The following SIPA1L1 variants were observed in gnomAD, a reference collection of about 807,000 sequenced individuals.
The protein encoded by SIPA1L1 is signal induced proliferation associated 1 like 1.
Under a neutral mutation model 162.7 loss-of-function variants are expected in SIPA1L1, and 26 were observed. The observed-to-expected ratio is 0.16, with a 90% CI of 0.12 to 0.22. The LOEUF is 0.22. Among genes scored for constraint, SIPA1L1 ranks in the 10% least tolerant of loss-of-function variants. SIPA1L1 has a pLI of 1.00. For synonymous variants in SIPA1L1, 829 were observed against 837.4 expected (o/e 0.99, Z 0.17); for missense variants, 1,874 against 2,241.0 (o/e 0.84, Z 3.31).
intron 14 of SIPA1L1, among the ~76,000 whole-genome samples, chr14:71,699,974 G>C (rs149595388): frequency 3.9e-4 from 59 of 152,316 alleles, no homozygotes; most frequent in African/African-American, 1.3e-3. Context: ...GAACAATTAA[G>C]TTCTTCAAAA....
At chr14:71,716,894 G>A (rs565412334) in intron 17 of SIPA1L1, among the ~76,000 whole-genome samples, 1 of 152,224 alleles carries the variant, frequency 6.6e-6, no homozygotes, top group South Asian at 2.1e-4. Context: ...CCAGATCCTC[G>A]GTGACCTCAC....
rs889749699 is a variant in SIPA1L1 at position 71,358,597 on chromosome 14, T to C, written c.-465+37416T>C. 2.0e-5 allele frequency among the ~76,000 whole-genome samples: 3 copies of C among 152,218 alleles called. No individual in the cohort carries two copies. In the East Asian group the frequency reaches 5.8e-4, roughly 29 times the overall value. On this transcript the variant is annotated intron_variant, in intron 2 of 23. Transcript: ENST00000381232. Reference sequence around the variant, plus strand: ...TGCCCTCCATTCATTCCTGAATCCCTTTTTCTTAACAGCCTGTCCTTTTTC... The same window carrying C: ...TGCCCTCCATTCATTCCTGAATCCCCTTTTCTTAACAGCCTGTCCTTTTTC...
chr14:71,460,990 C>T (rs188784872), intron 2 of SIPA1L1, among the ~76,000 whole-genome samples: 44 of 152,280 alleles, frequency 2.9e-4, no homozygotes, highest in African/African-American at 8.4e-4. Context: ...AGCCCACTGT[C>T]GCACTTTGTT....
intron 2 of SIPA1L1, among the ~76,000 whole-genome samples, chr14:71,401,813 C>T (rs1397772386): frequency 6.6e-6 from 1 of 151,998 alleles, no homozygotes; most frequent in African/African-American, 2.4e-5. Context: ...GTAATCTTAT[C>T]ACTCATAAAT....
intron 4 of SIPA1L1, among the ~76,000 whole-genome samples, chr14:71,542,651 CCCCTCCTCCTCCT>C (rs1375559493): frequency 2.9e-5 from 3 of 102,026 alleles, no homozygotes; most frequent in African/African-American, 1.1e-4. Context: ...CTTCTTTCTT[CCCCTCCTCCTCCT>C]CCCTCCTCCT....
chr14:71,691,183 CCCA>C (rs1286043131), intron 13 of SIPA1L1, among the ~76,000 whole-genome samples: 2 of 152,222 alleles, frequency 1.3e-5, no homozygotes. Flanking sequence ...TTACCAGCCT[CCCA>C]CTGGAAGGAT....
chr14:71,698,232 T>C (rs956958234), intron 13 of SIPA1L1, among the ~76,000 whole-genome samples: 10 of 152,178 alleles, frequency 6.6e-5, no homozygotes, highest in African/African-American at 2.4e-4. Context: ...TGTTGCCTAC[T>C]AGAGTAGAGG....
intron 2 of SIPA1L1, among the ~76,000 whole-genome samples, chr14:71,480,525 G>A (rs763662951): frequency 2.6e-5 from 4 of 150,944 alleles, no homozygotes; most frequent in East Asian, 3.9e-4. Flanking sequence ...ATTTTGGGAG[G>A]CCTAGTTGGG....
intron 2 of SIPA1L1, among the ~76,000 whole-genome samples, chr14:71,509,651 G>A (rs1360722695): frequency 6.6e-6 from 1 of 151,810 alleles, no homozygotes; most frequent in East Asian, 1.9e-4. Context: ...GGCTGAGGCA[G>A]GAGAATTGCT....
At chr14:71,457,471 G>A (rs1305462612) in intron 2 of SIPA1L1, among the ~76,000 whole-genome samples, 1 of 151,148 alleles carries the variant, frequency 6.6e-6, no homozygotes, top group Admixed American at 6.6e-5. Context: ...GCTAATTTTT[G>A]TATTTTCAGT....
intron 2 of SIPA1L1, among the ~76,000 whole-genome samples, chr14:71,340,935 T>G (rs2035590003): frequency 6.6e-6 from 1 of 152,182 alleles, no homozygotes; most frequent in African/African-American, 2.4e-5. Flanking sequence ...CGAGACTCCG[T>G]CTCAAAAAAA....
Position 71,672,615 on chromosome 14 carries a change from C to T in SIPA1L1, c.3097C>T (p.Pro1033Ser). The T allele has an allele frequency of 6.2e-7, 1 of 1,613,208 alleles. No homozygotes were observed. Among genetic ancestry groups the T allele is most frequent in the South Asian group, 1.1e-5 (1 of 91,050 alleles). ...CATTCCCCCGCATGATGACTGCACCCCGCGGAGGTAGGTCTGAGGAGACAG... is the reference window on the plus strand; with the variant it reads ...CATTCCCCCGCATGATGACTGCACCTCGCGGAGGTAGGTCTGAGGAGACAG... ...VIIPPHDDCTPRRSCSETYRM... is the reference protein window; with the variant it reads ...VIIPPHDDCTSRRSCSETYRM... Residue 1033 changes from proline to serine, a missense_variant, in exon 12 of 24, where the codon CCG (proline) becomes TCG (serine). Pro to Ser is a moderately conservative substitution (Grantham distance 74). Coordinates refer to ENST00000381232, the MANE Select transcript of SIPA1L1 (RefSeq NM_001386936.1).
rs992678289 is a variant in SIPA1L1 at position 71,738,998 on chromosome 14, T to G, written c.5209-20T>G. On this transcript the variant is annotated intron_variant, in intron 23 of 23. Transcript: ENST00000381232. ...TGGGGCCAACACCTCTTAGCTTTTC[T>G]ACTTCACTCTGCCTCCCAGGAAAAA... 2 of 1,610,444 alleles carry G rather than the reference T, an allele frequency of 1.2e-6. No individual in the cohort carries two copies. Among genetic ancestry groups the G allele is most frequent in the Admixed American group, 3.3e-5 (2 of 59,708 alleles).
chr14:71,509,526 T>A (rs1043012207), intron 2 of SIPA1L1, among the ~76,000 whole-genome samples: 1 of 152,144 alleles, frequency 6.6e-6, no homozygotes, highest in Admixed American at 6.5e-5. Flanking sequence ...GTGGATTGCT[T>A]GAGGTCAGGA....
intron 4 of SIPA1L1, among the ~76,000 whole-genome samples, chr14:71,556,749 C>G (rs2056387861): frequency 6.6e-6 from 1 of 152,234 alleles, no homozygotes; most frequent in African/African-American, 2.4e-5. Context: ...AAACCTGGTC[C>G]TTTGGGTTTT....
intron 2 of SIPA1L1, among the ~76,000 whole-genome samples, chr14:71,482,400 C>A (rs986330137): frequency 6.6e-6 from 1 of 152,184 alleles, no homozygotes; most frequent in East Asian, 1.9e-4. Flanking sequence ...CTGGGTTTAG[C>A]GATTACCCAA....
At chr14:71,477,118 G>A (rs2047932209) in intron 2 of SIPA1L1, among the ~76,000 whole-genome samples, 1 of 152,076 alleles carries the variant, frequency 6.6e-6, no homozygotes, top group Non-Finnish European at 1.5e-5. Flanking sequence ...CAGGTGTGGT[G>A]GTGCAATCTC....
At chr14:71,501,457 C>G (rs531683990) in intron 2 of SIPA1L1, among the ~76,000 whole-genome samples, 49 of 152,260 alleles carry the variant, frequency 3.2e-4, no homozygotes, top group African/African-American at 1.2e-3. Context: ...AGAAAGTGTA[C>G]ATATTCTCTG....
chr14:71,450,366 A>G (rs528488878), intron 2 of SIPA1L1, among the ~76,000 whole-genome samples: 300 of 152,304 alleles, frequency 2.0e-3, no homozygotes, highest in Non-Finnish European at 3.2e-3. Flanking sequence ...ACTCATTTAT[A>G]TAAAAGGATT....
Sources: gnomAD v4.1 joint callset for allele counts (sites outside exome capture counted in the v4.1 genomes callset) on GRCh38, gnomAD v4.1.1 for gene constraint, MANE v1.5 for transcripts, NCBI Gene and HGNC (gene_info 2026-07-23, HGNC 2026-07-21) for gene names.